CALN1: variants seen among roughly 807,000 people sequenced by gnomAD.
The protein encoded by CALN1 is calcium-binding protein 8.
In CALN1, 17 loss-of-function variants were observed where a neutral mutation model predicts 30.6. That is an observed-to-expected ratio of 0.56 (90% confidence interval 0.38 to 0.83). The LOEUF is 0.83. Among genes scored for constraint, CALN1 ranks in the 40% least tolerant of loss-of-function variants. CALN1 has a pLI of 0.00. For missense variants in CALN1, 291 were observed against 354.9 expected, an observed-to-expected ratio of 0.82 and a Z score of 1.45; for synonymous variants, 156 against 131.4, an observed-to-expected ratio of 1.19 and a Z score of -1.28.
intron 2 of CALN1, among the ~76,000 whole-genome samples, chr7:72,301,043 A>G (rs553295173): frequency 2.0e-5 from 3 of 152,140 alleles, no homozygotes; most frequent in Non-Finnish European, 4.4e-5. Context: ...GGGAAAGACC[A>G]TCATTGGCCC....
At chr7:71,845,256 G>A (rs1176408493) in intron 5 of CALN1, among the ~76,000 whole-genome samples, 1 of 152,150 alleles carries the variant, frequency 6.6e-6, no homozygotes, top group Non-Finnish European at 1.5e-5. Flanking sequence ...GAAAAACAAT[G>A]TCAGGTAAGA....
chr7:72,052,250 G>A (rs753815580), intron 4 of CALN1, among the ~76,000 whole-genome samples: 3 of 152,200 alleles, frequency 2.0e-5, no homozygotes, highest in South Asian at 2.1e-4. Flanking sequence ...GAGTAAATGC[G>A]GAGTTAAGGG....
At chr7:72,112,877 G>A (rs1807675907) in intron 3 of CALN1, among the ~76,000 whole-genome samples, 2 of 152,188 alleles carry the variant, frequency 1.3e-5, no homozygotes, top group South Asian at 2.1e-4. Flanking sequence ...TCCCACGGAG[G>A]TCGAGATGTT....
chr7:72,095,291 G>A (rs949257980), intron 4 of CALN1, among the ~76,000 whole-genome samples: 3 of 152,120 alleles, frequency 2.0e-5, no homozygotes, highest in Non-Finnish European at 1.5e-5. Flanking sequence ...TGAAAACTCT[G>A]CATGCATTAG....
intron 1 of CALN1, among the ~76,000 whole-genome samples, chr7:72,424,581 T>C (rs1445357561): frequency 6.6e-6 from 1 of 152,160 alleles, no homozygotes. Context: ...CTTTTAATTC[T>C]GTCTCTTAAT....
intron 5 of CALN1, among the ~76,000 whole-genome samples, chr7:71,973,279 G>A (rs1009152221): frequency 1.3e-5 from 2 of 151,908 alleles, no homozygotes; most frequent in African/African-American, 2.4e-5. Context: ...GGGTTCAAGC[G>A]ATTCTCCTGC....
chr7:72,254,694 T>A (rs567645963), intron 3 of CALN1, among the ~76,000 whole-genome samples: 1 of 152,242 alleles, frequency 6.6e-6, no homozygotes, highest in Admixed American at 6.5e-5. Flanking sequence ...AGTCATAACA[T>A]GCAGCACAAG....
At chr7:72,060,563 C>A (rs967110961) in intron 4 of CALN1, among the ~76,000 whole-genome samples, 1 of 152,154 alleles carries the variant, frequency 6.6e-6, no homozygotes, top group Non-Finnish European at 1.5e-5. Flanking sequence ...ACTCTGAAAA[C>A]TGGAAAACAT....
At chr7:72,028,186 G>T (rs1801213143) in intron 4 of CALN1, among the ~76,000 whole-genome samples, 1 of 151,668 alleles carries the variant, frequency 6.6e-6, no homozygotes, top group Non-Finnish European at 1.5e-5. Flanking sequence ...TTTACGAGAT[G>T]TGGCAAAACC....
Position 72,403,275 on chromosome 7 carries a change from CTCCTCGGCGGCTCCTCTCCCCCTCCG to C in CALN1, c.69_94del (p.Gly24ProfsTer36). The C allele has an allele frequency of 6.5e-7, 1 of 1,550,248 alleles. No homozygotes were observed. Among genetic ancestry groups the C allele is most frequent in the African/African-American group, 1.4e-5 (1 of 73,194 alleles). ...CCAGGTGGGGAAGTCGGGGGCCTGG[CTCCTCGGCGGCTCCTCTCCCCCTCCG>C]AGGGCTCCTCCGTCCCCCTTTTTCT... is the stretch of plus-strand genomic sequence containing the variant. On this transcript the variant is annotated frameshift_variant, in exon 2 of 7. Transcript: ENST00000395275. LOFTEE classifies it high-confidence loss of function.
intron 2 of CALN1, among the ~76,000 whole-genome samples, chr7:72,385,271 C>A (rs191367162): frequency 1.3e-5 from 2 of 152,152 alleles, no homozygotes; most frequent in Non-Finnish European, 2.9e-5. Context: ...AATCTTATCA[C>A]ATGATTCAGC....
At chr7:72,448,461 G>C (rs2129564647), upstream of CALN1, among the ~76,000 whole-genome samples, 1 of 152,172 alleles carries the variant, frequency 6.6e-6, no homozygotes, top group African/African-American at 2.4e-5. Flanking sequence ...GCTTGCCCCT[G>C]CTTGAGCAGC....
intron 6 of CALN1, among the ~76,000 whole-genome samples, chr7:71,798,297 C>G (rs941982395): frequency 1.4e-5 from 2 of 144,298 alleles, no homozygotes; most frequent in African/African-American, 5.5e-5. Flanking sequence ...TATTTGCAAC[C>G]CAAACTATAT....
intron 5 of CALN1, among the ~76,000 whole-genome samples, chr7:71,958,065 C>CAAAAAAAAAAAAAAAAA (rs56355838): frequency 2.1e-5 from 2 of 93,866 alleles, no homozygotes; most frequent in South Asian, 3.8e-4. Flanking sequence ...AACTCCATCT[C>CAAAAAAAAAAAAAAAAA]AAAAAAAAAA....
intron 2 of CALN1, among the ~76,000 whole-genome samples, chr7:72,316,132 C>T (rs957873076): frequency 4.1e-5 from 6 of 147,600 alleles, no homozygotes; most frequent in African/African-American, 1.5e-4. Context: ...GCCCAGATGA[C>T]AGATTATGTC....
chr7:72,030,793 C>T (rs1399871240), intron 4 of CALN1, among the ~76,000 whole-genome samples: 1 of 151,750 alleles, frequency 6.6e-6, no homozygotes, highest in Non-Finnish European at 1.5e-5. Context: ...GTCACCTAGG[C>T]TGGAGTGCAG....
At chr7:71,875,926 C>T (rs1053725224) in intron 5 of CALN1, among the ~76,000 whole-genome samples, 5 of 152,112 alleles carry the variant, frequency 3.3e-5, no homozygotes, top group Non-Finnish European at 7.4e-5. Flanking sequence ...AGCAAAGTGT[C>T]CCTGACCATG....
intron 5 of CALN1, among the ~76,000 whole-genome samples, chr7:71,972,126 T>C (rs1264168997): frequency 6.6e-6 from 1 of 151,828 alleles, no homozygotes; most frequent in Non-Finnish European, 1.5e-5. Context: ...GACAAGTAAA[T>C]GAATACACAA....
At chr7:72,103,274 A>T in intron 4 of CALN1, 1 of 175,804 alleles carries the variant, frequency 5.7e-6, no homozygotes, top group Non-Finnish European at 1.3e-5. Context: ...ATCCTGGAAG[A>T]CACCATCAAT....
Sources: gnomAD v4.1 joint callset for allele counts (sites outside exome capture counted in the v4.1 genomes callset) on GRCh38, gnomAD v4.1.1 for gene constraint, MANE v1.5 for transcripts, NCBI Gene and HGNC (gene_info 2026-07-23, HGNC 2026-07-21) for gene names.